INVS: variants seen among roughly 807,000 people sequenced by gnomAD.
The protein encoded by INVS is inversion of embryo turning homolog.
Under a neutral mutation model 108.8 loss-of-function variants are expected in INVS, and 86 were observed. That is an observed-to-expected ratio of 0.79 (90% CI 0.66 to 0.95). INVS has a LOEUF of 0.95. Among genes scored for constraint, INVS ranks in the 40% least tolerant of loss-of-function variants. The pLI, the probability that INVS is intolerant of heterozygous loss-of-function variation, is 0.00. For synonymous variants in INVS, 455 were observed against 473.5 expected, an observed-to-expected ratio of 0.96 and a Z score of 0.51; for missense variants, 1,169 against 1,297.4, an observed-to-expected ratio of 0.90 and a Z score of 1.52.
At chr9:100,190,979 G>A (rs185476629) in intron 3 of INVS, among the ~76,000 whole-genome samples, 47 of 151,938 alleles carry the variant, frequency 3.1e-4, no homozygotes, top group Non-Finnish European at 5.6e-4. Context: ...TCCCACCTTA[G>A]CCTCCTGAGT....
chr9:100,229,619 G>T (rs563365582), intron 4 of INVS, 41 bp from the exon 5 acceptor site: 1 of 1,589,422 alleles, frequency 6.3e-7, no homozygotes, highest in African/African-American at 1.3e-5. Context: ...GGGAAAGTTA[G>T]TTGTTACTGT....
At chr9:100,144,028 G>A (rs147372513) in intron 3 of INVS, among the ~76,000 whole-genome samples, 201 of 152,226 alleles carry the variant, frequency 1.3e-3, no homozygotes, top group Middle Eastern at 3.4e-3. Flanking sequence ...TAGGGGCTCT[G>A]GGAGTGGCTG....
intron 8 of INVS, among the ~76,000 whole-genome samples, chr9:100,251,426 A>G (rs1378042162): frequency 6.6e-6 from 1 of 152,264 alleles, no homozygotes; most frequent in Non-Finnish European, 1.5e-5. Context: ...GCCAAGCATT[A>G]CACTGGAGTA....
intron 3 of INVS, among the ~76,000 whole-genome samples, chr9:100,146,016 C>T (rs958280038): frequency 4.6e-5 from 7 of 152,100 alleles, no homozygotes; most frequent in Non-Finnish European, 8.8e-5. Flanking sequence ...TCTGAGGACC[C>T]GAGGTCGTAG....
intron 10 of INVS, among the ~76,000 whole-genome samples, chr9:100,260,633 C>A (rs1044134756): frequency 6.6e-6 from 1 of 152,094 alleles, no homozygotes; most frequent in Non-Finnish European, 1.5e-5. Flanking sequence ...TCAATCCTTA[C>A]AATAATCTTA....
intron 3 of INVS, among the ~76,000 whole-genome samples, chr9:100,135,308 A>G (rs764613153): frequency 2.0e-5 from 3 of 152,178 alleles, no homozygotes; most frequent in Non-Finnish European, 4.4e-5. Context: ...CTCAGGAGCT[A>G]TATGAAAGCC....
intron 3 of INVS, among the ~76,000 whole-genome samples, chr9:100,165,064 G>T (rs1165421412): frequency 1.3e-5 from 2 of 151,364 alleles, no homozygotes; most frequent in African/African-American, 2.4e-5. Flanking sequence ...TGGATCTAAA[G>T]ACTTGATCTG....
intron 6 of INVS, among the ~76,000 whole-genome samples, chr9:100,242,285 G>A (rs568935919): frequency 2.0e-5 from 3 of 152,268 alleles, no homozygotes; most frequent in African/African-American, 7.2e-5. Context: ...GCCAGGAAAT[G>A]CAATGAGGTG....
intron 3 of INVS, among the ~76,000 whole-genome samples, chr9:100,207,099 G>A (rs766267853): frequency 5.9e-5 from 9 of 152,038 alleles, no homozygotes; most frequent in Non-Finnish European, 1.2e-4. Flanking sequence ...CTGCTGTGAC[G>A]TCACTATTTT....
In INVS at chr9:100,252,320, C is replaced by T. The variant is rs757492226; in HGVS notation, c.1116C>T (p.Thr372=). Residue 372 remains threonine, a synonymous_variant, in exon 9 of 17, where the codon ACC becomes ACT. Coordinates refer to ENST00000262457, the MANE Select transcript of INVS (RefSeq NM_014425.5). ...HAAALSGHVS[T]VKLLLENNAQ... ...CTGCTCTTTCTGGCCATGTCAGCAC[C>T]GTGAAGTTATTACTGGAAAATAATG... The T allele has an allele frequency of 8.7e-6, 14 of 1,613,936 alleles. No homozygotes were observed. Among genetic ancestry groups the T allele is most frequent in the Middle Eastern group, 1.6e-4 (1 of 6,062 alleles).
chr9:100,147,009 A>C (rs759409097), intron 3 of INVS, among the ~76,000 whole-genome samples: 2 of 152,200 alleles, frequency 1.3e-5, no homozygotes, highest in Non-Finnish European at 2.9e-5. Context: ...CATGGCATGT[A>C]GTAGGTGCTA....
At chr9:100,108,375 C>T (rs1452591562) in intron 2 of INVS, among the ~76,000 whole-genome samples, 1 of 152,130 alleles carries the variant, frequency 6.6e-6, no homozygotes, top group Admixed American at 6.6e-5. Flanking sequence ...GGGTGCCACT[C>T]CTCATCTTTT....
In INVS at chr9:100,186,445, G is replaced by A. The variant is rs527844012; in HGVS notation, c.274-39617G>A. On this transcript the variant is annotated intron_variant, in intron 3 of 16. Transcript: ENST00000262457. ...GGATTACAGGCATGAATGACCAACC[G>A]AGCCCAGCCAGGTTGTACTAATTTA... is the stretch of plus-strand genomic sequence containing the variant. 9.2e-5 allele frequency among the ~76,000 whole-genome samples: 14 copies of A among 152,066 alleles called. No individual in the cohort carries two copies. The East Asian group carries it at 1.2e-3, about 13-fold the overall frequency.
rs761521831 is a variant in INVS, at chr9:100,301,274, C to G, written c.*600C>G. 2.0e-5 allele frequency among the ~76,000 whole-genome samples: 3 copies of G among 151,886 alleles called. No individual in the cohort carries two copies. The highest frequency in any genetic ancestry group is 4.4e-5 in the Non-Finnish European group (3 of 67,988). On this transcript the variant is annotated 3_prime_UTR_variant, in exon 17 of 17. Coordinates refer to ENST00000262457, the MANE Select transcript of INVS (RefSeq NM_014425.5). Reference sequence around the variant, plus strand: ...TTCATTTAGAAATTGTCCAAAAGACCATAGATACATTCTGGTGATTCCTTA... The same window carrying G: ...TTCATTTAGAAATTGTCCAAAAGACGATAGATACATTCTGGTGATTCCTTA...
At chr9:100,273,208 G>C in intron 12 of INVS, 132 bp downstream of exon 12, 1 of 740,568 alleles carries the variant, frequency 1.4e-6, no homozygotes. Flanking sequence ...CCTGCAACCG[G>C]TCATCTTCCC....
chr9:100,298,492 A>G (rs1833856394), intron 16 of INVS: 1 of 223,286 alleles, frequency 4.5e-6, no homozygotes, highest in Admixed American at 6.5e-5. Context: ...CCACCAAGAC[A>G]AGAGTGTTTT....
At chr9:100,186,507 A>C (rs1830060112) in intron 3 of INVS, among the ~76,000 whole-genome samples, 1 of 151,948 alleles carries the variant, frequency 6.6e-6, no homozygotes, top group Non-Finnish European at 1.5e-5. Context: ...TTCCCCTTTC[A>C]CCCCATTCAT....
rs766691188 is a variant in INVS, at chr9:100,292,400, A to G, written c.2143A>G (p.Arg715Gly). Residue 715 changes from arginine to glycine, a missense_variant, in exon 14 of 17, where the codon AGG becomes GGG. By Grantham distance (125) the Arg-to-Gly change is moderately radical. Transcript: ENST00000262457. ...FRPNEGSDGS[R>G]HPGVPSVEKS... ...ACCCAATGAAGGCAGTGATGGAAGC[A>G]GGCATCCAGGAGTTCCCTCTGTTGA... The G allele has an allele frequency of 6.2e-7, 1 of 1,614,200 alleles. No individual in the cohort carries two copies. Among genetic ancestry groups the G allele is most frequent in the Admixed American group, 1.7e-5 (1 of 60,026 alleles).
intron 2 of INVS, chr9:100,116,852 G>T (rs1588011324): frequency 2.4e-6 from 3 of 1,250,626 alleles, no homozygotes; most frequent in African/African-American, 1.5e-5. Context: ...GGGAGACTTG[G>T]TAAATACAAT....
Sources: gnomAD v4.1 joint callset for allele counts (sites outside exome capture counted in the v4.1 genomes callset) on GRCh38, gnomAD v4.1.1 for gene constraint, MANE v1.5 for transcripts, NCBI Gene and HGNC (gene_info 2026-07-23, HGNC 2026-07-21) for gene names.